The following LRP1B variants were observed in gnomAD, a reference collection of about 807,000 sequenced individuals.
LRP1B encodes LDL receptor related protein 1B, also known as low-density lipoprotein receptor-related protein 1B.
A neutral mutation model predicts 556.6 loss-of-function variants in LRP1B; 217 were observed. The observed-to-expected ratio is 0.39, with a 90% confidence interval of 0.35 to 0.44. The LOEUF (loss-of-function observed/expected upper bound fraction) is 0.44. LRP1B is among the 20% of genes least tolerant of loss of function. LRP1B has a pLI of 1.00. For missense variants in LRP1B, 5,053 were observed against 5,620.8 expected, an observed-to-expected ratio of 0.90 and a Z score of 3.23; for synonymous variants, 2,047 against 1,865.8, an observed-to-expected ratio of 1.10 and a Z score of -2.50.
chr2:140,931,208 A>T (rs550784524), intron 20 of LRP1B, among the ~76,000 whole-genome samples: 1 of 152,236 alleles, frequency 6.6e-6, no homozygotes, highest in East Asian at 1.9e-4. Context: ...TTTCTTCTTA[A>T]ATCAACTAGT....
chr2:140,238,163 C>G lies in LRP1B; in HGVS notation c.13549G>C (p.Asp4517His), dbSNP rs2104881292. The G allele has an allele frequency of 6.2e-7, 1 of 1,601,832 alleles. No individual in the cohort carries two copies. The highest frequency in any genetic ancestry group is 2.3e-5 in the East Asian group (1 of 44,428). ...TTAAGACATACTACCTTTGTTGGGT[C>G]TATCATAAAGCCAGGATCTAAAAGA... ...GGLLDPGFMIDPTKARYIGGG... is the reference protein window; with the variant it reads ...GGLLDPGFMIHPTKARYIGGG... The change falls in exon 89 of 91, where the codon GAC becomes CAC. Residue 4517 changes from aspartate to histidine, a missense_variant. Asp to His is a moderately conservative substitution (Grantham distance 81). Coordinates refer to ENST00000389484, the MANE Select transcript of LRP1B (RefSeq NM_018557.3).
At chr2:140,919,978 G>T (rs1464074221) in intron 21 of LRP1B, among the ~76,000 whole-genome samples, 2 of 151,890 alleles carry the variant, frequency 1.3e-5, no homozygotes, top group African/African-American at 4.8e-5. Flanking sequence ...ATATATTTGT[G>T]CATATATAAC....
intron 2 of LRP1B, among the ~76,000 whole-genome samples, chr2:141,514,795 T>C (rs972268150): frequency 1.3e-5 from 2 of 152,146 alleles, no homozygotes; most frequent in African/African-American, 4.8e-5. Context: ...TATTTTATAA[T>C]AAGGTGTTTC....
chr2:140,674,892 T>C (rs564160688), intron 41 of LRP1B, among the ~76,000 whole-genome samples: 1 of 152,352 alleles, frequency 6.6e-6, no homozygotes, highest in Non-Finnish European at 1.5e-5. Context: ...AATTACTTAG[T>C]GGTTTTATAT....
intron 2 of LRP1B, among the ~76,000 whole-genome samples, chr2:141,647,362 G>A (rs1053131801): frequency 3.3e-5 from 5 of 152,230 alleles, no homozygotes; most frequent in South Asian, 2.1e-4. Flanking sequence ...TAGAGGAAGC[G>A]TTTTCCACCA....
At chr2:142,046,177 A>G (rs1008052270) in intron 1 of LRP1B, among the ~76,000 whole-genome samples, 1 of 151,876 alleles carries the variant, frequency 6.6e-6, no homozygotes, top group African/African-American at 2.4e-5. Context: ...GATGTTAGAC[A>G]CTCATTGAAT....
At chr2:140,388,336 A>G (rs149566111) in intron 66 of LRP1B, among the ~76,000 whole-genome samples, 162 of 152,306 alleles carry the variant, frequency 1.1e-3, no homozygotes, top group African/African-American at 3.6e-3. Flanking sequence ...ATCCAGTTTT[A>G]TAGCACTGAC....
At chr2:141,254,762 G>T (rs1684396532) in intron 3 of LRP1B, 121 bp from the exon 4 acceptor site, 6 of 667,268 alleles carry the variant, frequency 9.0e-6, no homozygotes, top group South Asian at 2.8e-5. Flanking sequence ...TTATATGATT[G>T]GTCTAGAAAA....
intron 16 of LRP1B, 94 bp from the exon 17 acceptor site, chr2:140,989,751 A>G: frequency 8.4e-7 from 1 of 1,193,182 alleles, no homozygotes; most frequent in South Asian, 1.4e-5. Context: ...CAGTAATAAT[A>G]TTATAGTACA....
At chr2:141,981,523 A>T (rs1287258513) in intron 1 of LRP1B, among the ~76,000 whole-genome samples, 2 of 152,096 alleles carry the variant, frequency 1.3e-5, no homozygotes, top group Non-Finnish European at 2.9e-5. Flanking sequence ...TACAGTCTTG[A>T]TTAGGAGTTG....
intron 7 of LRP1B, among the ~76,000 whole-genome samples, chr2:141,079,226 G>C (rs984226092): frequency 2.6e-5 from 4 of 152,116 alleles, no homozygotes; most frequent in African/African-American, 9.7e-5. Context: ...CCAGTTAGAA[G>C]GTAAGAGCTC....
intron 3 of LRP1B, among the ~76,000 whole-genome samples, chr2:141,442,392 T>A (rs1432400872): frequency 6.6e-6 from 1 of 151,668 alleles, no homozygotes; most frequent in South Asian, 2.1e-4. Context: ...TACTGTTTTC[T>A]GAAAGGTCTG....
At chr2:141,789,183 C>T (rs1045110575) in intron 2 of LRP1B, among the ~76,000 whole-genome samples, 6 of 151,912 alleles carry the variant, frequency 3.9e-5, no homozygotes, top group Non-Finnish European at 7.4e-5. Context: ...ATTTAATATA[C>T]GGCTTCTGGA....
chr2:141,492,442 T>C (rs1006571417), intron 2 of LRP1B, among the ~76,000 whole-genome samples: 3 of 152,148 alleles, frequency 2.0e-5, no homozygotes, highest in South Asian at 4.1e-4. Flanking sequence ...ATGACACAGA[T>C]TCACTGCAGT....
intron 11 of LRP1B, among the ~76,000 whole-genome samples, chr2:141,045,700 T>G (rs771671312): frequency 1.9e-4 from 29 of 152,124 alleles, no homozygotes; most frequent in Admixed American, 3.9e-4. Context: ...TGAAGCTTTA[T>G]CCTCTTTACT....
chr2:140,375,149 C>G (rs891467934), intron 68 of LRP1B, among the ~76,000 whole-genome samples: 3 of 149,806 alleles, frequency 2.0e-5, no homozygotes, highest in African/African-American at 7.4e-5. Flanking sequence ...TTGTTGTGAA[C>G]TCATTGATTT....
chr2:141,263,238 G>A (rs1684765239), intron 3 of LRP1B, among the ~76,000 whole-genome samples: 1 of 151,820 alleles, frequency 6.6e-6, no homozygotes, highest in Non-Finnish European at 1.5e-5. Context: ...ATGTGACCTT[G>A]CTAAACAGAA....
intron 43 of LRP1B, among the ~76,000 whole-genome samples, chr2:140,574,060 C>G (rs375977524): frequency 1.3e-5 from 2 of 151,966 alleles, no homozygotes; most frequent in Non-Finnish European, 2.9e-5. Context: ...TTTACTTTCT[C>G]TATATGTTAT....
chr2:141,254,633 A>T lies in LRP1B; in HGVS notation c.352T>A (p.Ser118Thr). The T allele has an allele frequency of 6.2e-7, 1 of 1,608,358 alleles. No homozygotes were observed. The highest frequency in any genetic ancestry group is 8.5e-7 in the Non-Finnish European group (1 of 1,175,772). The change falls in exon 4 of 91, where the codon TCC becomes ACC. Residue 118 changes from serine to threonine, a missense_variant. Ser to Thr is a moderately conservative substitution (Grantham distance 58). This residue lies in a region of LRP1B where 3,619 missense variants were observed against 3,931.9 expected (regional missense o/e 0.92). Transcript: ENST00000389484. ...DEGVHCQELL[S>T]NCQQLNCQYK... ...TGACAATTCAGCTGTTGGCAATTGG[A>T]TAACAGTTCTGTAGAGAAAAAACAA...
Sources: gnomAD v4.1 joint callset for allele counts (sites outside exome capture counted in the v4.1 genomes callset) on GRCh38, gnomAD v4.1.1 for gene constraint, gnomAD v4.1.1 regional missense constraint, MANE v1.5 for transcripts, NCBI Gene and HGNC (gene_info 2026-07-23, HGNC 2026-07-21) for gene names.